TENT2: variants seen among roughly 807,000 people sequenced by gnomAD.
TENT2 encodes the protein poly(A) RNA polymerase GLD2.
A neutral mutation model predicts 72.2 loss-of-function variants in TENT2; 44 were observed. The observed-to-expected ratio is 0.61, with a 90% CI of 0.48 to 0.78. TENT2 has a LOEUF of 0.78. TENT2 is among the 30% of genes least tolerant of loss of function. The pLI, the probability that TENT2 is intolerant of heterozygous loss-of-function variation, is 0.00. For synonymous variants in TENT2, 212 were observed against 192.5 expected (o/e 1.10, Z -0.84); for missense variants, 541 against 569.6 (o/e 0.95, Z 0.51).
chr5:79,634,165 A>C (rs1271343071), intron 4 of TENT2, among the ~76,000 whole-genome samples: 3 of 151,570 alleles, frequency 2.0e-5, no homozygotes, highest in Non-Finnish European at 2.9e-5. Context: ...AAAAAAAAAA[A>C]AAAAAAAACT....
Position 79,612,550 on chromosome 5 carries a change from C to A in TENT2, c.-563C>A. ...TGCCACCGCCCCCAACCTTCTATATCCTTGCAGCCCCTACCTTTTCTTGTG... is the reference window on the plus strand; with the variant it reads ...TGCCACCGCCCCCAACCTTCTATATACTTGCAGCCCCTACCTTTTCTTGTG... On this transcript the variant is annotated 5_prime_UTR_variant, in exon 1 of 15. Transcript: ENST00000453514. 6.5e-6 allele frequency: 1 copy of A among 153,084 alleles called. No homozygotes were observed. The highest frequency in any genetic ancestry group is 1.9e-4 in the East Asian group (1 of 5,186). The allele number at this position is 153,084 out of a possible 1,614,324, so 9.5% of individuals were successfully genotyped here. A position where few individuals can be genotyped will look rare whatever the true frequency, so the allele number is the denominator to read the frequency against.
intron 11 of TENT2, among the ~76,000 whole-genome samples, chr5:79,658,358 C>CT (rs35709204): frequency 1.7e-3 from 238 of 143,034 alleles, no homozygotes; most frequent in Middle Eastern, 3.7e-3. Context: ...TTTATTTATT[C>CT]TTTTTTTTTT....
chr5:79,615,878 A>G (rs755837768), intron 1 of TENT2, among the ~76,000 whole-genome samples: 4 of 150,610 alleles, frequency 2.7e-5, no homozygotes, highest in Non-Finnish European at 4.4e-5. Flanking sequence ...ACACCTGGCT[A>G]ATTTTTGTTG....
chr5:79,684,280 C>A (rs963748338), intron 14 of TENT2, among the ~76,000 whole-genome samples: 2 of 152,190 alleles, frequency 1.3e-5, no homozygotes, highest in African/African-American at 4.8e-5. Flanking sequence ...CTCTCTCCTT[C>A]ATAAATACTA....
At chr5:79,642,381 C>T (rs1453244467) in intron 6 of TENT2, among the ~76,000 whole-genome samples, 1 of 152,030 alleles carries the variant, frequency 6.6e-6, no homozygotes, top group Non-Finnish European at 1.5e-5. Context: ...TACTCAAGCA[C>T]ATCCCACTCA....
intron 12 of TENT2, among the ~76,000 whole-genome samples, chr5:79,672,236 T>C (rs1378734122): frequency 3.3e-5 from 5 of 152,218 alleles, no homozygotes; most frequent in Non-Finnish European, 7.3e-5. Context: ...TATTTTGATA[T>C]AGGCATACAG....
chr5:79,683,530 A>G (rs921621205), intron 14 of TENT2, among the ~76,000 whole-genome samples: 5 of 152,104 alleles, frequency 3.3e-5, no homozygotes, highest in Admixed American at 6.6e-5. Flanking sequence ...AAATAAATAA[A>G]TAGATAAAAT....
intron 7 of TENT2, among the ~76,000 whole-genome samples, chr5:79,643,635 A>T (rs1208005300): frequency 6.6e-6 from 1 of 152,164 alleles, no homozygotes; most frequent in Non-Finnish European, 1.5e-5. Context: ...AATAACTTAC[A>T]TCTGTTCTAG....
At chr5:79,621,611 A>G (rs918099533) in intron 3 of TENT2, among the ~76,000 whole-genome samples, 1 of 151,874 alleles carries the variant, frequency 6.6e-6, no homozygotes, top group Non-Finnish European at 1.5e-5. Flanking sequence ...ACAAAAAATT[A>G]GCCGAGTGTG....
chr5:79,656,863 C>A, intron 10 of TENT2, 95 bp from the exon 11 acceptor site: 3 of 792,644 alleles, frequency 3.8e-6, no homozygotes, highest in Non-Finnish European at 4.1e-6. Flanking sequence ...AGCATAAACC[C>A]TTATGGTCTT....
chr5:79,679,962 T>C (rs1820422429), intron 13 of TENT2, among the ~76,000 whole-genome samples: 2 of 152,182 alleles, frequency 1.3e-5, no homozygotes, highest in African/African-American at 4.8e-5. Context: ...GAAAATAGAA[T>C]CTTTATATGT....
chr5:79,659,253 A>T (rs1283673858), intron 11 of TENT2, among the ~76,000 whole-genome samples: 1 of 151,576 alleles, frequency 6.6e-6, no homozygotes, highest in African/African-American at 2.4e-5. Flanking sequence ...AATAATAACC[A>T]TCCGGGCGTG....
intron 9 of TENT2, 145 bp downstream of exon 9, chr5:79,648,838 CAT>C: frequency 2.5e-6 from 2 of 787,710 alleles, no homozygotes; most frequent in Non-Finnish European, 4.0e-6. Context: ...ACACTAAAAT[CAT>C]ATACTGTCAG....
chr5:79,635,532 A>G (rs978120358), intron 4 of TENT2, among the ~76,000 whole-genome samples: 5 of 152,174 alleles, frequency 3.3e-5, no homozygotes, highest in Admixed American at 1.3e-4. Flanking sequence ...TATAAATATA[A>G]TAACATTTCA....
At chr5:79,648,725 C>A in intron 9 of TENT2, 32 bp downstream of exon 9, 1 of 1,480,348 alleles carries the variant, frequency 6.8e-7, no homozygotes, top group African/African-American at 1.4e-5. Flanking sequence ...TAAAAATTAG[C>A]CTTTTTTTCT....
At chr5:79,683,410 G>A (rs1056223097) in intron 14 of TENT2, among the ~76,000 whole-genome samples, 1 of 152,096 alleles carries the variant, frequency 6.6e-6, no homozygotes, top group East Asian at 1.9e-4. Context: ...TGGGGAGGCT[G>A]AGTGGAGAGA....
At chr5:79,670,667 G>T (rs1812345249) in intron 12 of TENT2, among the ~76,000 whole-genome samples, 1 of 151,482 alleles carries the variant, frequency 6.6e-6, no homozygotes, top group African/African-American at 2.4e-5. Context: ...TTAAAGACTG[G>T]ATGAGACATA....
intron 11 of TENT2, among the ~76,000 whole-genome samples, chr5:79,667,609 A>G (rs990230719): frequency 3.9e-5 from 6 of 152,202 alleles, no homozygotes; most frequent in African/African-American, 1.2e-4. Flanking sequence ...TATCAACTTT[A>G]TGAATTTGGT....
chr5:79,619,186 A>G (rs1296768263), intron 1 of TENT2, among the ~76,000 whole-genome samples: 1 of 152,200 alleles, frequency 6.6e-6, no homozygotes, highest in Non-Finnish European at 1.5e-5. Flanking sequence ...TATAAAATCC[A>G]TTCCTTATTT....
Sources: gnomAD v4.1 joint callset for allele counts (sites outside exome capture counted in the v4.1 genomes callset) on GRCh38, gnomAD v4.1.1 for gene constraint, MANE v1.5 for transcripts, NCBI Gene and HGNC (gene_info 2026-07-23, HGNC 2026-07-21) for gene names.